KCNH7: variants seen among roughly 807,000 people sequenced by gnomAD.
The protein encoded by KCNH7 is voltage-gated inwardly rectifying potassium channel KCNH7.
A neutral mutation model predicts 120.8 loss-of-function variants in KCNH7; 49 were observed. The ratio of observed to expected loss-of-function variants is 0.41; its 90% CI spans 0.32 to 0.51. The LOEUF is 0.51. KCNH7 is among the 20% of genes least tolerant of loss of function. The probability of loss-of-function intolerance (pLI) is 0.38; values close to 1 mark genes in which losing one functional copy is unlikely to be tolerated. For synonymous variants in KCNH7, 547 were observed against 516.1 expected, an observed-to-expected ratio of 1.06 and a Z score of -0.81; for missense variants, 1,097 against 1,446.6, an observed-to-expected ratio of 0.76 and a Z score of 3.92.
chr2:162,457,893 T>C (rs1689021644), intron 6 of KCNH7, among the ~76,000 whole-genome samples: 1 of 152,166 alleles, frequency 6.6e-6, no homozygotes, highest in Non-Finnish European at 1.5e-5. Flanking sequence ...CAGCCAAACC[T>C]GAGTAATTAT....
intron 6 of KCNH7, among the ~76,000 whole-genome samples, chr2:162,473,993 T>C (rs1445718095): frequency 6.6e-6 from 1 of 152,200 alleles, no homozygotes; most frequent in Non-Finnish European, 1.5e-5. Context: ...TGGCATGAAA[T>C]GGCTCAGATA....
intron 3 of KCNH7, among the ~76,000 whole-genome samples, chr2:162,533,421 G>C (rs1006539255): frequency 8.6e-5 from 13 of 151,682 alleles, no homozygotes; most frequent in African/African-American, 3.1e-4. Flanking sequence ...CATAAAAACA[G>C]CACACTGTAT....
chr2:162,663,394 G>A (rs962037958), intron 2 of KCNH7, among the ~76,000 whole-genome samples: 14 of 151,906 alleles, frequency 9.2e-5, no homozygotes, highest in African/African-American at 3.4e-4. Flanking sequence ...CTTTATTTGA[G>A]GATATATTTT....
chr2:162,618,783 G>A (rs1447350382), intron 2 of KCNH7, among the ~76,000 whole-genome samples: 3 of 152,036 alleles, frequency 2.0e-5, no homozygotes, highest in African/African-American at 7.2e-5. Flanking sequence ...GAGAAGGTGT[G>A]GAAAACTGTC....
chr2:162,829,596 A>C (rs1164154965), intron 2 of KCNH7, among the ~76,000 whole-genome samples: 1 of 152,136 alleles, frequency 6.6e-6, no homozygotes, highest in Non-Finnish European at 1.5e-5. Flanking sequence ...CTTAGGTAAC[A>C]GGTTAATAAT....
intron 2 of KCNH7, among the ~76,000 whole-genome samples, chr2:162,825,048 G>GA (rs1238229966): frequency 6.6e-6 from 1 of 151,898 alleles, no homozygotes; most frequent in African/African-American, 2.4e-5. Flanking sequence ...TAGAAAGGAG[G>GA]AAAAGTTCAA....
intron 2 of KCNH7, among the ~76,000 whole-genome samples, chr2:162,593,299 C>G (rs1694274028): frequency 6.6e-6 from 1 of 152,018 alleles, no homozygotes; most frequent in African/African-American, 2.4e-5. Context: ...CACTTTTCCT[C>G]CTCTGTATAG....
chr2:162,799,018 A>G (rs893033217), intron 2 of KCNH7, among the ~76,000 whole-genome samples: 17 of 152,080 alleles, frequency 1.1e-4, no homozygotes, highest in African/African-American at 4.1e-4. Context: ...CTAAATGGCC[A>G]TTTATGATTA....
chr2:162,570,969 C>T (rs1464448604), intron 2 of KCNH7, among the ~76,000 whole-genome samples: 3 of 152,014 alleles, frequency 2.0e-5, no homozygotes, highest in Non-Finnish European at 4.4e-5. Context: ...GGAAGCATTC[C>T]CTTTGAAAAC....
chr2:162,727,110 A>C (rs1247321766), intron 2 of KCNH7, among the ~76,000 whole-genome samples: 1 of 152,212 alleles, frequency 6.6e-6, no homozygotes, highest in East Asian at 1.9e-4. Context: ...TTACTTAAAC[A>C]TACCTATCTA....
intron 3 of KCNH7, among the ~76,000 whole-genome samples, chr2:162,536,279 C>G (rs188957936): frequency 2.0e-5 from 3 of 151,820 alleles, no homozygotes; most frequent in Non-Finnish European, 1.5e-5. Flanking sequence ...AAAAAACAAC[C>G]AATATGTATA....
At chr2:162,715,589 C>G (rs1463279334) in intron 2 of KCNH7, among the ~76,000 whole-genome samples, 1 of 152,160 alleles carries the variant, frequency 6.6e-6, no homozygotes, top group Non-Finnish European at 1.5e-5. Flanking sequence ...TATCTTGCCC[C>G]ATATTCTAAA....
Position 162,371,804 on chromosome 2 carries a change from A to T in KCNH7, c.*25T>A, listed in dbSNP as rs750125664. 1 of 1,591,714 alleles carries T rather than the reference A, an allele frequency of 6.3e-7. No homozygotes were observed. Among genetic ancestry groups the T allele is most frequent in the Admixed American group, 1.7e-5 (1 of 58,778 alleles). ...CAGCCATTAAAAGCACTTACATTGT[A>T]TGTGGAGTAAATAGTACAAAATGAT... On this transcript the variant is annotated 3_prime_UTR_variant, in exon 16 of 16. Coordinates refer to ENST00000332142, the MANE Select transcript of KCNH7 (RefSeq NM_033272.4).
At chr2:162,773,437 G>A (rs1323073177) in intron 2 of KCNH7, among the ~76,000 whole-genome samples, 4 of 152,128 alleles carry the variant, frequency 2.6e-5, no homozygotes, top group South Asian at 2.1e-4. Flanking sequence ...GCAGTGAGCC[G>A]AGATCACGCC....
intron 2 of KCNH7, among the ~76,000 whole-genome samples, chr2:162,755,816 T>C (rs1688769022): frequency 6.6e-6 from 1 of 152,096 alleles, no homozygotes; most frequent in Non-Finnish European, 1.5e-5. Context: ...ACATATATTT[T>C]GGAAAAAAAA....
intron 2 of KCNH7, among the ~76,000 whole-genome samples, chr2:162,756,090 A>T (rs1181899633): frequency 6.6e-6 from 1 of 152,188 alleles, no homozygotes; most frequent in Admixed American, 6.6e-5. Flanking sequence ...TAACTTAATC[A>T]TCATAAGTGA....
At chr2:162,432,819 G>T (rs1278826290) in intron 8 of KCNH7, among the ~76,000 whole-genome samples, 2 of 151,992 alleles carry the variant, frequency 1.3e-5, no homozygotes, top group South Asian at 4.1e-4. Flanking sequence ...GAACAAGCAG[G>T]CAAGAGAAAG....
intron 2 of KCNH7, among the ~76,000 whole-genome samples, chr2:162,690,802 A>C (rs756220124): frequency 6.6e-6 from 1 of 152,180 alleles, no homozygotes; most frequent in Non-Finnish European, 1.5e-5. Context: ...ATTTAGGGAG[A>C]GAAAACTTGC....
chr2:162,574,898 C>T (rs1825644), intron 2 of KCNH7, among the ~76,000 whole-genome samples: 85,170 of 151,858 alleles, frequency 0.56, 24,410 homozygotes, highest in Admixed American at 0.67. Flanking sequence ...TTGCTTCTTA[C>T]GATCACATGT....
Sources: allele counts gnomAD v4.1 joint callset (sites outside exome capture counted in the v4.1 genomes callset), GRCh38; gene constraint gnomAD v4.1.1; transcripts MANE v1.5; gene names NCBI Gene and HGNC (gene_info 2026-07-23, HGNC 2026-07-21).